Variants in ALOX12B observed in about 807,000 individuals in gnomAD.
The protein encoded by ALOX12B is arachidonate 12-lipoxygenase, 12R-type.
A neutral mutation model predicts 78.9 loss-of-function variants in ALOX12B; 47 were observed. The observed-to-expected ratio is 0.60, with a 90% CI of 0.47 to 0.76. The LOEUF (loss-of-function observed/expected upper bound fraction) is 0.76. Among genes scored for constraint, ALOX12B ranks in the 30% least tolerant of loss-of-function variants. The pLI is 0.00. For missense variants in ALOX12B, 805 were observed against 922.6 expected, an observed-to-expected ratio of 0.87 and a Z score of 1.65; for synonymous variants, 370 against 374.5, an observed-to-expected ratio of 0.99 and a Z score of 0.14.
At chr17:8,081,302 G>A (rs1312562365) in intron 2 of ALOX12B, 115 bp from the exon 3 acceptor site, 5 of 1,013,738 alleles carry the variant, frequency 4.9e-6, no homozygotes, top group Non-Finnish European at 6.2e-6. Context: ...CATGACCAAG[G>A]AGTGGGAAGG....
At chr17:8,085,717 G>A (rs1335015679) in intron 2 of ALOX12B, among the ~76,000 whole-genome samples, 1 of 152,184 alleles carries the variant, frequency 6.6e-6, no homozygotes, top group Non-Finnish European at 1.5e-5. Flanking sequence ...AGGAGTCAGG[G>A]AGGACTGGAG....
intron 8 of ALOX12B, 34 bp from the exon 9 acceptor site, chr17:8,077,227 G>C: frequency 1.3e-6 from 2 of 1,580,964 alleles, no homozygotes; most frequent in South Asian, 2.3e-5. Flanking sequence ...GTTGGGTGAG[G>C]GCAGAGACCC....
At position 8,080,129 on chromosome 17, in the gene ALOX12B, C is replaced by T. The variant is rs755258093; in HGVS notation, c.754+106G>A. 6.8e-7 allele frequency: 1 copy of T among 1,477,228 alleles called. No individual in the cohort carries two copies. The highest frequency in any genetic ancestry group is 9.5e-7 in the Non-Finnish European group (1 of 1,057,190). The allele number at this position is 1,477,228 out of a possible 1,614,324, so 91.5% of individuals were successfully genotyped here. ...AAGAAGCCGCCAGAGGGCGCGCGCGCGCCTCGCTGCCTCTCCCGTCCCACT... is the reference window on the plus strand; with the variant it reads ...AAGAAGCCGCCAGAGGGCGCGCGCGTGCCTCGCTGCCTCTCCCGTCCCACT... On this transcript the variant is annotated intron_variant, in intron 6 of 14. Coordinates refer to ENST00000647874, the MANE Select transcript of ALOX12B (RefSeq NM_001139.3). The surrounding 1 kb of genome is among the most constrained non-coding windows in gnomAD (Gnocchi z 4.8).
Position 8,072,657 on chromosome 17 carries a change from T to G in ALOX12B, c.*114A>C. Reference sequence around the variant, plus strand: ...CAGGGAAAGGAAGGTTTTTTGTTTTTTTGTTTGTTTGGTGTTTTGGTCTCT... The same window carrying G: ...CAGGGAAAGGAAGGTTTTTTGTTTTGTTGTTTGTTTGGTGTTTTGGTCTCT... On this transcript the variant is annotated 3_prime_UTR_variant, in exon 15 of 15. Transcript: ENST00000647874. The G allele has an allele frequency of 6.9e-7, 1 of 1,455,880 alleles. No homozygotes were observed. Among genetic ancestry groups the G allele is most frequent in the Non-Finnish European group, 9.6e-7 (1 of 1,047,036 alleles). The allele number at this position is 1,455,880 out of a possible 1,614,324, so 90.2% of individuals were successfully genotyped here. A position where few individuals can be genotyped will look rare whatever the true frequency, so the allele number is the denominator to read the frequency against.
At chr17:8,086,931 A>G (rs1031067429) in intron 1 of ALOX12B, among the ~76,000 whole-genome samples, 1 of 152,116 alleles carries the variant, frequency 6.6e-6, no homozygotes, top group Non-Finnish European at 1.5e-5. Context: ...AGGCAGAGAC[A>G]GGGAGAGAGG....
At position 8,081,106 on chromosome 17, in the gene ALOX12B, T is replaced by C. The variant is rs781612729; in HGVS notation, c.434A>G (p.His145Arg). 4 of 1,613,478 alleles carry C rather than the reference T, an allele frequency of 2.5e-6. No individual in the cohort carries two copies. In the East Asian group the frequency reaches 6.7e-5, roughly 27 times the overall value. The part of the protein sequence containing the change: ...EEIRAKQDFY[H>R]WRVFLPGLPS... The stretch of plus-strand genomic sequence containing the variant: ...CAGACTCTGCCACCCGCCCCCTCAC[T>C]GGTAGAAGTCCTGCTTGGCTCTGAT... The change falls in exon 3 of 15, where the codon CAC (histidine) becomes CGC (arginine). Residue 145 changes from histidine (H) to arginine (R), a missense_variant and splice_region_variant. Coordinates refer to ENST00000647874, the MANE Select transcript of ALOX12B (RefSeq NM_001139.3).
intron 2 of ALOX12B, among the ~76,000 whole-genome samples, chr17:8,082,162 T>C (rs977416913): frequency 6.6e-6 from 1 of 152,246 alleles, no homozygotes; most frequent in African/African-American, 2.4e-5. Flanking sequence ...GGTGATTCCA[T>C]ATCTTTGCTA....
rs769533529 is a variant in ALOX12B, at chr17:8,086,165, C to T, written c.203G>A (p.Arg68His). ...GAAGGCGTACCGCTCTTTGTGCAGG[C>T]GGATGATGATGAGCTCACCCAGGTC... ...PQDLGELIIIRLHKERYAFFP... is the reference protein window; with the variant it reads ...PQDLGELIIIHLHKERYAFFP... Residue 68 changes from arginine (R) to histidine (H), a missense_variant, in exon 2 of 15, where the codon CGC (arginine) becomes CAC (histidine). Transcript: ENST00000647874. 2.2e-5 allele frequency: 36 copies of T among 1,613,988 alleles called. No individual in the cohort carries two copies. The highest frequency in any genetic ancestry group is 1.6e-4 in the Middle Eastern group (1 of 6,084).
chr17:8,081,519 G>A (rs1977217570), intron 2 of ALOX12B: 1 of 415,260 alleles, frequency 2.4e-6, no homozygotes. Context: ...GCCAAGTTAG[G>A]GCTTTAGGTT....
chr17:8,082,867 C>A (rs1252552359), intron 2 of ALOX12B, among the ~76,000 whole-genome samples: 4 of 152,138 alleles, frequency 2.6e-5, no homozygotes, highest in African/African-American at 9.7e-5. Context: ...TTTGTAGACA[C>A]TTTACTTTTA....
intron 14 of ALOX12B, 93 bp from the exon 15 acceptor site, chr17:8,073,043 T>TGG: frequency 6.3e-7 from 1 of 1,598,060 alleles, no homozygotes. Context: ...TTGGTTTCAG[T>TGG]GGCCTCTCAC....
At chr17:8,073,444 C>A in intron 13 of ALOX12B, 126 bp from the exon 14 acceptor site, 2 of 1,161,918 alleles carry the variant, frequency 1.7e-6, no homozygotes, top group East Asian at 5.9e-5. Context: ...TGAGGCTGGG[C>A]TGGGTTGGTT....
Position 8,080,433 on chromosome 17 carries a change from G to C in ALOX12B, c.651-95C>G, listed in dbSNP as rs1364399139. The C allele has an allele frequency of 1.4e-6, 2 of 1,454,066 alleles. No homozygotes were observed. The highest frequency in any genetic ancestry group is 2.3e-5 in the South Asian group (2 of 87,618). 90.1% of individuals were successfully genotyped at this position (1,454,066 alleles called of 1,614,324 possible). ...GCCGCCCCATCCACTTAGGTCTCTG[G>C]GTCTCAGGGTCTGTGCGTCGCAAAG... On this transcript the variant is annotated intron_variant, in intron 5 of 14. Transcript: ENST00000647874. This position sits in a 1 kb window ranked among gnomAD's most constrained non-coding sequence, Gnocchi z 4.8.
intron 2 of ALOX12B, 111 bp downstream of exon 2, chr17:8,085,905 T>G (rs1978295418): frequency 2.3e-6 from 3 of 1,286,958 alleles, no homozygotes; most frequent in African/African-American, 1.5e-5. Context: ...GAGTCCCTGG[T>G]GGGGCTGGGC....
intron 11 of ALOX12B, 117 bp downstream of exon 11, chr17:8,076,058 A>C (rs1484556085): frequency 4.3e-6 from 6 of 1,397,694 alleles, no homozygotes; most frequent in African/African-American, 1.4e-5. Context: ...CCCTTCCCCA[A>C]GGCCAAGCCC....
rs538142063 is a variant in ALOX12B at position 8,073,792 on chromosome 17, T to C, written c.1655-35A>G. The C allele has an allele frequency of 1.2e-5, 19 of 1,561,300 alleles. No homozygotes were observed. The South Asian group carries it at 2.0e-4, about 17-fold the overall frequency. ...GGGGGAAAAGCCCAGGCGACATCAG[T>C]CGTGCCCTGGTACTGGCTGCCCGGC... On this transcript the variant is annotated intron_variant, in intron 12 of 14. Transcript: ENST00000647874.
chr17:8,081,087 C>T lies in ALOX12B; in HGVS notation c.434+19G>A, dbSNP rs758616914. 7 of 1,613,728 alleles carry T rather than the reference C, an allele frequency of 4.3e-6. No individual in the cohort carries two copies. Among genetic ancestry groups the T allele is most frequent in the Middle Eastern group, 1.6e-4 (1 of 6,062 alleles). Reference sequence around the variant, plus strand: ...TGGACCCCTGCCGGGCGCCCAGACTCTGCCACCCGCCCCCTCACTGGTAGA... The same window carrying T: ...TGGACCCCTGCCGGGCGCCCAGACTTTGCCACCCGCCCCCTCACTGGTAGA... On this transcript the variant is annotated intron_variant, in intron 3 of 14. Transcript: ENST00000647874.
At chr17:8,085,586 G>A (rs1466794977) in intron 2 of ALOX12B, among the ~76,000 whole-genome samples, 2 of 152,232 alleles carry the variant, frequency 1.3e-5, no homozygotes, top group African/African-American at 2.4e-5. Context: ...GAATCCTGCT[G>A]GAGTAACAGG....
At position 8,079,881 on chromosome 17, in the gene ALOX12B, A is replaced by G; in HGVS notation, c.815T>C (p.Val272Ala). Reference sequence around the variant, plus strand: ...GCAGCGGCGGATCAGGCCGGGGTTGACGCCGTTGAGGTACTGGTACCCAAA... The same window carrying G: ...GCAGCGGCGGATCAGGCCGGGGTTGGCGCCGTTGAGGTACTGGTACCCAAA... ...TFFGYQYLNG[V>A]NPGLIRRCTR... Residue 272 changes from valine (V) to alanine (A), a missense_variant, in exon 7 of 15, where the codon GTC (valine) becomes GCC (alanine). Transcript: ENST00000647874. The surrounding 1 kb of genome is among the most constrained non-coding windows in gnomAD (Gnocchi z 6.4). The G allele has an allele frequency of 6.2e-7, 1 of 1,613,284 alleles. No individual in the cohort carries two copies. Among genetic ancestry groups the G allele is most frequent in the Non-Finnish European group, 8.5e-7 (1 of 1,179,916 alleles).
Sources: gnomAD v4.1 joint callset for allele counts (sites outside exome capture counted in the v4.1 genomes callset) on GRCh38, gnomAD v4.1.1 for gene constraint, Gnocchi (gnomAD v3.1) non-coding constraint, MANE v1.5 for transcripts, NCBI Gene and HGNC (gene_info 2026-07-23, HGNC 2026-07-21) for gene names.